Variants in CMTM4 observed in about 807,000 individuals in gnomAD.
CMTM4 encodes the protein CKLF-like MARVEL transmembrane domain-containing protein 4.
CMTM4 carries 8 observed loss-of-function variants against 19.0 expected under a neutral mutation model. The observed-to-expected ratio is 0.42, with a 90% CI of 0.25 to 0.76. The LOEUF (loss-of-function observed/expected upper bound fraction) is 0.76, where lower values mean the gene tolerates loss of function less well. Ranked by LOEUF, CMTM4 falls within the 30% of genes least tolerant of loss-of-function variation. CMTM4 has a pLI of 0.27. For missense variants in CMTM4, 228 were observed against 290.2 expected, an observed-to-expected ratio of 0.79 and a Z score of 1.56; for synonymous variants, 106 against 121.1, an observed-to-expected ratio of 0.88 and a Z score of 0.82.
intron 1 of CMTM4, among the ~76,000 whole-genome samples, chr16:66,687,969 A>G (rs1019134264): frequency 2.0e-5 from 3 of 152,018 alleles, no homozygotes; most frequent in Non-Finnish European, 4.4e-5. Flanking sequence ...TTACAGGTGT[A>G]AGCCACCGCG....
intron 1 of CMTM4, among the ~76,000 whole-genome samples, chr16:66,692,226 G>A (rs1198499248): frequency 6.6e-6 from 1 of 152,078 alleles, no homozygotes; most frequent in Non-Finnish European, 1.5e-5. Flanking sequence ...GAGTATCTGG[G>A]ATTACAGGCA....
intron 1 of CMTM4, among the ~76,000 whole-genome samples, chr16:66,684,987 T>G (rs1489695811): frequency 6.6e-6 from 1 of 152,228 alleles, no homozygotes; most frequent in Non-Finnish European, 1.5e-5. Flanking sequence ...TGCATGTTAC[T>G]TCTCTTGTAC....
rs2015517148 is a variant in CMTM4 at position 66,615,802 on chromosome 16, C to A, written c.*6256G>T. 6.6e-6 allele frequency: 1 copy of A among 152,212 alleles called. No homozygotes were observed. The highest frequency in any genetic ancestry group is 1.5e-5 in the Non-Finnish European group (1 of 68,040). The allele number at this position is 152,212 out of a possible 1,614,324, so 9.4% of individuals were successfully genotyped here. ...CACCCAAAGACAGGAGGTCAGGGCT[C>A]TGATGCTACTCTTCTGTTTGTAAAA... is the stretch of plus-strand genomic sequence containing the variant. On this transcript the variant is annotated 3_prime_UTR_variant, in exon 4 of 4. Coordinates refer to ENST00000394106, the MANE Select transcript of CMTM4 (RefSeq NM_181521.3). This position sits in a 1 kb window ranked among gnomAD's most constrained non-coding sequence, Gnocchi z 4.9.
chr16:66,621,781 T>G lies in CMTM4; in HGVS notation c.*277A>C. 1 of 1,270,488 alleles carries G rather than the reference T, an allele frequency of 7.9e-7. No homozygotes were observed. Among genetic ancestry groups the G allele is most frequent in the Non-Finnish European group, 1.0e-6 (1 of 1,001,504 alleles). The allele number at this position is 1,270,488 out of a possible 1,614,324, so 78.7% of individuals were successfully genotyped here. A position where few individuals can be genotyped will look rare whatever the true frequency, so the allele number is the denominator to read the frequency against. On this transcript the variant is annotated 3_prime_UTR_variant, in exon 4 of 4. Transcript: ENST00000394106. ...ATACACACGACAAGGTGGCTCAGAG[T>G]CAAAGGAAGCCTGTGCTTCAGGGCA... is the stretch of plus-strand genomic sequence containing the variant.
At position 66,621,546 on chromosome 16, in the gene CMTM4, C is replaced by CTTTG; in HGVS notation, c.*508_*511dup. The CTTTG allele has an allele frequency of 1.0e-6, 1 of 988,564 alleles. No homozygotes were observed. The allele number at this position is 988,564 out of a possible 1,614,324, so 61.2% of individuals were successfully genotyped here. On this transcript the variant is annotated 3_prime_UTR_variant, in exon 4 of 4. Coordinates refer to ENST00000394106, the MANE Select transcript of CMTM4 (RefSeq NM_181521.3). ...CATCAGCTTTCCCCAGCCCTGTGGC[C>CTTTG]TTTGGGCTGGTGCTGGCTGCCTGGG...
At chr16:66,689,728 T>C (rs1032284501) in intron 1 of CMTM4, among the ~76,000 whole-genome samples, 3 of 152,192 alleles carry the variant, frequency 2.0e-5, no homozygotes, top group Non-Finnish European at 4.4e-5. Flanking sequence ...GTTATTAATA[T>C]GGTGTACACC....
the CMTM4 span, among the ~76,000 whole-genome samples, chr16:66,607,378 CT>C: frequency 1.5e-4 from 23 of 152,234 alleles, no homozygotes; most frequent in South Asian, 4.1e-4. Context: ...GCAGCAGGGC[CT>C]GAGGTGTCAG....
intron 1 of CMTM4, among the ~76,000 whole-genome samples, chr16:66,671,871 A>G (rs72790488): frequency 0.043 from 6,552 of 152,076 alleles, 266 homozygotes; most frequent in East Asian, 0.15. Context: ...TATTTAAAAA[A>G]AAAAATTAGC....
intron 1 of CMTM4, among the ~76,000 whole-genome samples, chr16:66,683,145 ATGTATATATATATACG>A (rs2016952276): frequency 7.8e-6 from 1 of 127,604 alleles, no homozygotes; most frequent in Non-Finnish European, 1.6e-5. Context: ...ATATATATAT[ATGTATATATATATACG>A]TATATATATA....
chr16:66,608,638 C>T, the CMTM4 span, among the ~76,000 whole-genome samples: 1 of 152,210 alleles, frequency 6.6e-6, no homozygotes, highest in Non-Finnish European at 1.5e-5. The surrounding 1 kb of genome is among the most constrained non-coding windows in gnomAD (Gnocchi z 5.1). Context: ...TACTCAGCAG[C>T]CCTGTGACCT....
intron 2 of CMTM4, among the ~76,000 whole-genome samples, chr16:66,633,433 C>T (rs1342468322): frequency 1.3e-5 from 2 of 152,042 alleles, no homozygotes; most frequent in African/African-American, 2.4e-5. Flanking sequence ...AAGGCCAACC[C>T]TTCTGTAGCG....
Position 66,620,541 on chromosome 16 carries a change from G to A in CMTM4, c.*1517C>T, listed in dbSNP as rs1056386028. On this transcript the variant is annotated 3_prime_UTR_variant, in exon 4 of 4. Coordinates refer to ENST00000394106, the MANE Select transcript of CMTM4 (RefSeq NM_181521.3). Reference sequence around the variant, plus strand: ...GCTGTCCTTTTCTGGGGAATGAGACGCCACATGTCCATAAGGTGACGCTTT... The same window carrying A: ...GCTGTCCTTTTCTGGGGAATGAGACACCACATGTCCATAAGGTGACGCTTT... The A allele has an allele frequency of 5.1e-6, 5 of 985,312 alleles. No homozygotes were observed. In the African/African-American group the frequency reaches 5.2e-5, roughly 10 times the overall value. 61.0% of individuals were successfully genotyped at this position (985,312 alleles called of 1,614,324 possible).
At chr16:66,604,622 G>A in the CMTM4 span, 4 of 419,200 alleles carry the variant, frequency 9.5e-6, no homozygotes, top group South Asian at 1.2e-4. Flanking sequence ...CGCAGCCGGG[G>A]TCCGAGGGGG....
At chr16:66,635,777 T>TTC (rs2015980617) in intron 2 of CMTM4, among the ~76,000 whole-genome samples, 1 of 152,164 alleles carries the variant, frequency 6.6e-6, no homozygotes, top group African/African-American at 2.4e-5. Flanking sequence ...TAAAATCCTC[T>TTC]TCTCATTCAG....
chr16:66,644,058 G>A (rs1049814714), intron 1 of CMTM4, among the ~76,000 whole-genome samples: 4 of 152,030 alleles, frequency 2.6e-5, no homozygotes, highest in Non-Finnish European at 5.9e-5. Context: ...CCGGCCAACA[G>A]CCAAGTACTT....
intron 1 of CMTM4, among the ~76,000 whole-genome samples, chr16:66,658,744 G>A (rs2016447981): frequency 6.6e-6 from 1 of 152,126 alleles, no homozygotes; most frequent in Admixed American, 6.6e-5. Context: ...CCACCCCCAA[G>A]TGGAGAAAGC....
At chr16:66,692,997 G>A (rs1343383841) in intron 1 of CMTM4, among the ~76,000 whole-genome samples, 1 of 152,070 alleles carries the variant, frequency 6.6e-6, no homozygotes, top group Non-Finnish European at 1.5e-5. Context: ...ACTGAGGCGG[G>A]TGGATCACCT....
rs1345334565 is a variant in CMTM4 at position 66,696,364 on chromosome 16, G to C, written c.162C>G (p.Leu54=). ...CCACTTGGGCGACCTTGAGGCGGCC[G>C]AGCGCGCCGCGCAGGTAGTCGGGGT... The part of the protein sequence containing the change: ...RCDPDYLRGA[L]GRLKVAQVIL... Residue 54 remains leucine, a synonymous_variant, in exon 1 of 4, where the codon CTC becomes CTG. Coordinates refer to ENST00000394106, the MANE Select transcript of CMTM4 (RefSeq NM_181521.3). This position sits in a 1 kb window ranked among gnomAD's most constrained non-coding sequence, Gnocchi z 4.3. The C allele has an allele frequency of 1.4e-6, 2 of 1,422,168 alleles. No homozygotes were observed. The highest frequency in any genetic ancestry group is 1.4e-5 in the South Asian group (1 of 72,558). The allele number at this position is 1,422,168 out of a possible 1,614,324, so 88.1% of individuals were successfully genotyped here.
chr16:66,663,777 G>A (rs961916468), intron 1 of CMTM4, among the ~76,000 whole-genome samples: 9 of 151,678 alleles, frequency 5.9e-5, no homozygotes, highest in Admixed American at 2.0e-4. Context: ...TCCTGACCTC[G>A]TGATCCACCC....
Sources: allele counts gnomAD v4.1 joint callset (sites outside exome capture counted in the v4.1 genomes callset), GRCh38; gene constraint gnomAD v4.1.1; non-coding constraint Gnocchi (gnomAD v3.1); transcripts MANE v1.5; gene names NCBI Gene and HGNC (gene_info 2026-07-23, HGNC 2026-07-21).